The following ZNF69 variants were observed in gnomAD, a reference collection of about 807,000 sequenced individuals.
The protein encoded by ZNF69 is zinc finger protein 69.
Under a neutral mutation model 50.9 loss-of-function variants are expected in ZNF69, and 47 were observed. That is an observed-to-expected ratio of 0.92 (90% CI 0.73 to 1.18). The LOEUF is 1.18. Among genes scored for constraint, ZNF69 ranks in the 50% most tolerant of loss-of-function variants. The pLI is 0.00. For missense variants in ZNF69, 717 were observed against 675.1 expected (o/e 1.06, Z -0.69); for synonymous variants, 216 against 223.1 (o/e 0.97, Z 0.29).
the ZNF69 span, chr19:11,949,197 A>C: frequency 1.3e-5 from 21 of 1,613,420 alleles, no homozygotes; most frequent in Non-Finnish European, 1.8e-5. Context: ...AACGCTATAA[A>C]TGCAAGCAAT....
At chr19:11,949,555 A>C in the ZNF69 span, 1 of 1,611,484 alleles carries the variant, frequency 6.2e-7, no homozygotes, top group Non-Finnish European at 8.5e-7. Flanking sequence ...TTATAAATGT[A>C]GTATATGTGA....
chr19:11,940,986 G>T, the ZNF69 span, among the ~76,000 whole-genome samples: 3 of 151,892 alleles, frequency 2.0e-5, no homozygotes, highest in African/African-American at 7.3e-5. Flanking sequence ...GCTAGATACA[G>T]AGTGCCGATT....
chr19:11,956,687 C>T, the ZNF69 span: 1 of 394,836 alleles, frequency 2.5e-6, no homozygotes, highest in Non-Finnish European at 4.5e-6. Context: ...GAAACCCCAT[C>T]TCTACTAAAA....
At chr19:11,943,364 T>C in the ZNF69 span, among the ~76,000 whole-genome samples, 1 of 152,228 alleles carries the variant, frequency 6.6e-6, no homozygotes, top group Non-Finnish European at 1.5e-5. Flanking sequence ...TTTTGATAGA[T>C]AGCATTTTTC....
the ZNF69 span, among the ~76,000 whole-genome samples, chr19:11,922,790 G>C: frequency 6.6e-6 from 1 of 151,908 alleles, no homozygotes; most frequent in South Asian, 2.1e-4. Context: ...GGGTTTCCCC[G>C]GGGAGTCTGG....
the ZNF69 span, among the ~76,000 whole-genome samples, chr19:11,928,586 G>A: frequency 6.7e-6 from 1 of 149,686 alleles, no homozygotes; most frequent in African/African-American, 2.5e-5. Context: ...CAAAAAATTA[G>A]CCGGGCGTAG....
chr19:11,962,945 C>T, the ZNF69 span, among the ~76,000 whole-genome samples: 9 of 152,154 alleles, frequency 5.9e-5, no homozygotes, highest in Non-Finnish European at 1.3e-4. Flanking sequence ...GGTCATCCTG[C>T]CTGGTAAATC....
At chr19:11,965,584 T>C in the ZNF69 span, among the ~76,000 whole-genome samples, 1 of 150,194 alleles carries the variant, frequency 6.7e-6, no homozygotes, top group Non-Finnish European at 1.5e-5. Context: ...GGCCCCCAGT[T>C]CCCACTTTCT....
intron 1 of ZNF69, among the ~76,000 whole-genome samples, chr19:11,902,144 G>A (rs74751561): frequency 6.6e-6 from 1 of 151,832 alleles, no homozygotes; most frequent in Non-Finnish European, 1.5e-5. Context: ...CGCCATGCCC[G>A]GGTAATTTTG....
intron 1 of ZNF69, among the ~76,000 whole-genome samples, chr19:11,895,399 A>G (rs948072889): frequency 1.3e-5 from 2 of 152,218 alleles, no homozygotes; most frequent in African/African-American, 4.8e-5. Flanking sequence ...AGCGTTTCTC[A>G]GGGTCCAGGG....
At chr19:11,941,010 TC>T in the ZNF69 span, among the ~76,000 whole-genome samples, 1 of 151,934 alleles carries the variant, frequency 6.6e-6, no homozygotes, top group Non-Finnish European at 1.5e-5. Flanking sequence ...GTATTTACAA[TC>T]CCTGAGCTAG....
chr19:11,904,578 T>G (rs960107389), intron 3 of ZNF69, 71 bp from the exon 4 acceptor site: 1 of 1,558,618 alleles, frequency 6.4e-7, no homozygotes, highest in East Asian at 2.3e-5. Context: ...AAATGCAAGT[T>G]CAGTACTTGT....
At chr19:11,954,751 G>A in the ZNF69 span, among the ~76,000 whole-genome samples, 8 of 152,168 alleles carry the variant, frequency 5.3e-5, no homozygotes, top group African/African-American at 1.7e-4. Context: ...AGCCTGGGAG[G>A]TTGATGCTGC....
the ZNF69 span, among the ~76,000 whole-genome samples, chr19:11,921,694 G>T: frequency 6.6e-6 from 1 of 151,758 alleles, no homozygotes; most frequent in Admixed American, 6.6e-5. Context: ...GTAGAGACAG[G>T]GTTTCACCAT....
intron 1 of ZNF69, among the ~76,000 whole-genome samples, chr19:11,897,073 G>A (rs1029567502): frequency 7.2e-5 from 11 of 152,294 alleles, no homozygotes; most frequent in African/African-American, 2.6e-4. Context: ...TAGTGGCTGG[G>A]CATGGTGGCT....
chr19:11,904,349 C>T (rs2145237631), intron 3 of ZNF69, among the ~76,000 whole-genome samples: 1 of 152,294 alleles, frequency 6.6e-6, no homozygotes, highest in South Asian at 2.1e-4. Context: ...CACTGCACTC[C>T]AGTGTGGGCA....
the ZNF69 span, among the ~76,000 whole-genome samples, chr19:11,928,168 C>A: frequency 6.6e-6 from 1 of 152,016 alleles, no homozygotes; most frequent in South Asian, 2.1e-4. Flanking sequence ...TTATTTTTTA[C>A]AGAGGTTAGG....
the ZNF69 span, among the ~76,000 whole-genome samples, chr19:11,966,673 C>T: frequency 2.0e-5 from 3 of 152,070 alleles, no homozygotes; most frequent in East Asian, 3.9e-4. Context: ...CTCGCCTGGC[C>T]GCAAGGTATG....
chr19:11,950,614 A>G, the ZNF69 span: 7 of 446,230 alleles, frequency 1.6e-5, no homozygotes, highest in African/African-American at 1.2e-4. Flanking sequence ...GAGAAACTCT[A>G]TGAATGTAAG....
Sources: gnomAD v4.1 joint callset for allele counts (sites outside exome capture counted in the v4.1 genomes callset) on GRCh38, gnomAD v4.1.1 for gene constraint, MANE v1.5 for transcripts, NCBI Gene and HGNC (gene_info 2026-07-23, HGNC 2026-07-21) for gene names.